Variants in ZNF337 observed in about 807,000 individuals in gnomAD.
The protein encoded by ZNF337 is zinc finger protein 337.
ZNF337 carries 8 observed loss-of-function variants against 12.1 expected under a neutral mutation model. The observed-to-expected ratio is 0.66, with a 90% CI of 0.39 to 1.19. The LOEUF (loss-of-function observed/expected upper bound fraction) is 1.19. Among genes scored for constraint, ZNF337 ranks in the 50% most tolerant of loss-of-function variants. The pLI is 0.01. For missense variants in ZNF337, 882 were observed against 896.6 expected (o/e 0.98, Z 0.21); for synonymous variants, 336 against 320.0 (o/e 1.05, Z -0.53).
At chr20:25,696,004 G>A in intron 1 of ZNF337, among the ~76,000 whole-genome samples, 1 of 151,104 alleles carries the variant, frequency 6.6e-6, no homozygotes, top group Middle Eastern at 3.2e-3. Context: ...CCCGGATTTT[G>A]CCGTCATTAG....
chr20:25,693,668 G>A (rs1289075932), intron 1 of ZNF337, among the ~76,000 whole-genome samples: 1 of 152,192 alleles, frequency 6.6e-6, no homozygotes, highest in Non-Finnish European at 1.5e-5. Flanking sequence ...CATGAGAACC[G>A]GCTGAGAGGT....
At chr20:25,680,660 C>T (rs890666389) in intron 4 of ZNF337, 2 of 152,136 alleles carry the variant, frequency 1.3e-5, no homozygotes, top group Non-Finnish European at 2.9e-5. Flanking sequence ...ACCTTTCCTA[C>T]ATCATCTGTA....
Position 25,676,504 on chromosome 20 carries a change from TCTCTC to T in ZNF337, c.779_783del (p.Gly260GlufsTer15). The T allele has an allele frequency of 6.2e-7, 1 of 1,614,090 alleles. No homozygotes were observed. Among genetic ancestry groups the T allele is most frequent in the Non-Finnish European group, 8.5e-7 (1 of 1,179,994 alleles). On this transcript the variant is annotated frameshift_variant, in exon 5 of 5. Coordinates refer to ENST00000252979, the MANE Select transcript of ZNF337 (RefSeq NM_015655.4). LOFTEE classifies it low-confidence loss of function (END_TRUNC). ...CCACACACCTTGCACAGAAAAGGCT[TCTCTC>T]CTGAGTGTGTCCTCTGGTGTCTGAG...
At chr20:25,677,859 A>C (rs1407487095) in intron 4 of ZNF337, 1 of 152,172 alleles carries the variant, frequency 6.6e-6, no homozygotes, top group Non-Finnish European at 1.5e-5. Flanking sequence ...GCCTATGATA[A>C]AAACTTAAAT....
chr20:25,682,853 A>G (rs965056078), intron 4 of ZNF337, among the ~76,000 whole-genome samples: 6 of 151,858 alleles, frequency 4.0e-5, no homozygotes, highest in Non-Finnish European at 7.4e-5. Flanking sequence ...AAAAAACTTT[A>G]TATCTTTAAA....
rs760151388 is a variant in ZNF337, at chr20:25,676,269, C to T, written c.1019G>A (p.Arg340Lys). 52 of 1,613,922 alleles carry T rather than the reference C, an allele frequency of 3.2e-5. No individual in the cohort carries two copies. In the Admixed American group the frequency reaches 8.2e-4, roughly 25 times the overall value. The part of the protein sequence containing the change: ...TNKSYFVVHK[R>K]IHSGEKPYRC... ...GTAAGGCTTCTCTCCTGAGTGTATT[C>T]TCTTGTGCACAACGAAGTATGACTT... The change falls in exon 5 of 5, where the codon AGA (arginine) becomes AAA (lysine). Residue 340 changes from arginine (R) to lysine (K), a missense_variant. Coordinates refer to ENST00000252979, the MANE Select transcript of ZNF337 (RefSeq NM_015655.4).
intron 4 of ZNF337, among the ~76,000 whole-genome samples, chr20:25,682,484 G>C (rs184389666): frequency 6.6e-6 from 1 of 151,982 alleles, no homozygotes; most frequent in African/African-American, 2.4e-5. Context: ...AGTTCAAACT[G>C]CCCTCCCAAA....
chr20:25,693,790 C>G (rs1261364414), intron 1 of ZNF337, among the ~76,000 whole-genome samples: 1 of 152,176 alleles, frequency 6.6e-6, no homozygotes, highest in Non-Finnish European at 1.5e-5. Context: ...CATAAGAAGT[C>G]CCCACCTGGG....
rs926487 is a variant in ZNF337 at position 25,686,101 on chromosome 20, C to T, written c.49G>A (p.Val17Ile). ...RRQAFLAFGD[V>I]TVDFTQKEWR... ...TCCTTCTGGGTGAAATCCACAGTGA[C>T]ATCCCCAAATGCCAAGAAAGCCTGT... Residue 17 changes from valine (V) to isoleucine (I), a missense_variant, in exon 3 of 5, where the codon GTC (valine) becomes ATC (isoleucine). Val to Ile is a conservative substitution (Grantham distance 29). Transcript: ENST00000252979. The T allele has an allele frequency of 0.065, 105,585 of 1,613,860 alleles. 8,070 individuals are homozygous for T. Among genetic ancestry groups the T allele is most frequent in the African/African-American group, 0.39 (29,403 of 74,902 alleles).
At chr20:25,680,350 A>G (rs1417366255) in intron 4 of ZNF337, among the ~76,000 whole-genome samples, 1 of 152,146 alleles carries the variant, frequency 6.6e-6, no homozygotes, top group Non-Finnish European at 1.5e-5. Flanking sequence ...ATATCAAAAT[A>G]CCACATCTAC....
chr20:25,692,193 T>C (rs967443037), intron 1 of ZNF337, among the ~76,000 whole-genome samples: 1 of 152,220 alleles, frequency 6.6e-6, no homozygotes, highest in Non-Finnish European at 1.5e-5. Flanking sequence ...CTCTCATGCT[T>C]CCCATCTTAA....
intron 4 of ZNF337, chr20:25,677,332 T>G: frequency 3.4e-6 from 1 of 292,940 alleles, no homozygotes. Context: ...CTCAACAAAA[T>G]ACTAGCAAAA....
chr20:25,691,275 A>C (rs972823114), intron 1 of ZNF337, among the ~76,000 whole-genome samples: 2 of 152,346 alleles, frequency 1.3e-5, no homozygotes, highest in South Asian at 4.1e-4. Flanking sequence ...ACAGAGAAGC[A>C]GAAGAGAAAA....
At chr20:25,689,787 T>C (rs1379413063) in intron 1 of ZNF337, among the ~76,000 whole-genome samples, 2 of 152,222 alleles carry the variant, frequency 1.3e-5, no homozygotes, top group Non-Finnish European at 2.9e-5. Context: ...AACATGGGGA[T>C]TCCTATTACC....
chr20:25,694,043 G>A (rs1430124829), intron 1 of ZNF337, among the ~76,000 whole-genome samples: 1 of 152,224 alleles, frequency 6.6e-6, no homozygotes, highest in Admixed American at 6.5e-5. Flanking sequence ...CATCGCAACA[G>A]ACCCTGTCCT....
At chr20:25,694,584 T>C (rs1429468314) in intron 1 of ZNF337, among the ~76,000 whole-genome samples, 1 of 152,190 alleles carries the variant, frequency 6.6e-6, no homozygotes, top group African/African-American at 2.4e-5. Context: ...CAATGGTTGC[T>C]GTTACTCCCA....
chr20:25,696,688 G>A (rs1364065690), intron 1 of ZNF337, 71 bp downstream of exon 1: 4 of 957,032 alleles, frequency 4.2e-6, no homozygotes, highest in East Asian at 1.2e-4. Context: ...TCACGTCCCA[G>A]GCCTTCCCGG....
Position 25,689,306 on chromosome 20 carries a change from G to GA in ZNF337, c.-49-2841dup, listed in dbSNP as rs367883998. Among the ~76,000 whole-genome samples, 42 of 146,488 alleles carry GA rather than the reference G, an allele frequency of 2.9e-4. 1 individual carries two copies. Among genetic ancestry groups the GA allele is most frequent in the Non-Finnish European group, 3.9e-4 (26 of 65,978 alleles). On this transcript the variant is annotated intron_variant, in intron 1 of 4. Coordinates refer to ENST00000252979, the MANE Select transcript of ZNF337 (RefSeq NM_015655.4). ...GCAACAGAGCAAGACTCCGCATCAA[G>GA]AAAAAAAAAAAGTTAAATATCTCCA...
intron 1 of ZNF337, among the ~76,000 whole-genome samples, chr20:25,690,744 A>G (rs907998809): frequency 1.3e-5 from 2 of 152,202 alleles, no homozygotes; most frequent in African/African-American, 4.8e-5. Flanking sequence ...GAGAAAATGG[A>G]AAAAGCCACA....
Sources: gnomAD v4.1 joint callset for allele counts (sites outside exome capture counted in the v4.1 genomes callset) on GRCh38, gnomAD v4.1.1 for gene constraint, MANE v1.5 for transcripts, NCBI Gene and HGNC (gene_info 2026-07-23, HGNC 2026-07-21) for gene names.